PITPNM2: variants seen among roughly 807,000 people sequenced by gnomAD.
PITPNM2 encodes the protein phosphatidylinositol transfer protein membrane associated 2, also known as membrane-associated phosphatidylinositol transfer protein 2.
A neutral mutation model predicts 132.2 loss-of-function variants in PITPNM2; 35 were observed. That is an observed-to-expected ratio of 0.26 (90% CI 0.20 to 0.35). PITPNM2 has a LOEUF of 0.35. Among genes scored for constraint, PITPNM2 ranks in the 10% least tolerant of loss-of-function variants. The pLI, the probability that PITPNM2 is intolerant of heterozygous loss-of-function variation, is 1.00. For synonymous variants in PITPNM2, 738 were observed against 799.2 expected (o/e 0.92, Z 1.29); for missense variants, 1,332 against 1,912.0 (o/e 0.70, Z 5.66).
At chr12:122,988,634 A>G in intron 19 of PITPNM2, 90 bp downstream of exon 19, 3 of 1,330,504 alleles carry the variant, frequency 2.3e-6, no homozygotes, top group Non-Finnish European at 3.1e-6. Flanking sequence ...GTTGGAGAGG[A>G]GTCCCCACTG....
At position 122,996,540 on chromosome 12, in the gene PITPNM2, G is replaced by A. The variant is rs762603902; in HGVS notation, c.1700C>T (p.Ala567Val). 4 of 1,613,096 alleles carry A rather than the reference G, an allele frequency of 2.5e-6. No homozygotes were observed. In the East Asian group the frequency reaches 8.9e-5, roughly 36 times the overall value. ...GTTACTGTAGCACAGGGCATCAAATGCCAGGATGCCCCCGACGCAGTCCCC... is the reference window on the plus strand; with the variant it reads ...GTTACTGTAGCACAGGGCATCAAATACCAGGATGCCCCCGACGCAGTCCCC... ...LIGDCVGGIL[A>V]FDALCYSNQP... is the part of the protein sequence containing the mutation. The change falls in exon 13 of 26, where the codon GCA becomes GTA. Residue 567 changes from alanine (A) to valine (V), a missense_variant. By Grantham distance (64) the Ala-to-Val change is moderately conservative. This residue lies in a region of PITPNM2 where 710 missense variants were observed against 911.5 expected (regional missense o/e 0.78). Coordinates refer to ENST00000320201, the MANE Select transcript of PITPNM2 (RefSeq NM_020845.3).
intron 2 of PITPNM2, chr12:123,084,441 C>A (rs928367401): frequency 5.3e-5 from 8 of 152,208 alleles, no homozygotes; most frequent in African/African-American, 1.9e-4. Flanking sequence ...GGGACCCAGC[C>A]CCCGACCAGA....
intron 2 of PITPNM2, among the ~76,000 whole-genome samples, chr12:123,050,768 ACTGGC>A (rs2040830223): frequency 6.6e-6 from 1 of 152,212 alleles, no homozygotes; most frequent in Non-Finnish European, 1.5e-5. Context: ...TTCCCAGGTA[ACTGGC>A]TCTTCTTTAC....
At chr12:123,037,961 G>A (rs1455168589) in intron 2 of PITPNM2, among the ~76,000 whole-genome samples, 1 of 151,974 alleles carries the variant, frequency 6.6e-6, no homozygotes, top group East Asian at 1.9e-4. Context: ...AGCTCCGCTG[G>A]GATATTTTTG....
intron 1 of PITPNM2, among the ~76,000 whole-genome samples, chr12:123,136,701 T>C (rs962691524): frequency 6.6e-6 from 1 of 151,840 alleles, no homozygotes; most frequent in African/African-American, 2.4e-5. Flanking sequence ...ATTGACACCA[T>C]CCTGGCTAAT....
Position 122,985,874 on chromosome 12 carries a change from AG to A in PITPNM2, c.*152del. 1 of 686,458 alleles carries A rather than the reference AG, an allele frequency of 1.5e-6. No individual in the cohort carries two copies. The allele number at this position is 686,458 out of a possible 1,614,324, so 42.5% of individuals were successfully genotyped here. A position where few individuals can be genotyped will look rare whatever the true frequency, so the allele number is the denominator to read the frequency against. On this transcript the variant is annotated 3_prime_UTR_variant, in exon 26 of 26. Transcript: ENST00000320201. ...CAGGCCCGAGGACGTGAGGCAGGGC[AG>A]GGAGCACTGTGTGGTGCGGCCCGTG...
chr12:123,127,237 C>T (rs774582770), intron 1 of PITPNM2, among the ~76,000 whole-genome samples: 3 of 152,230 alleles, frequency 2.0e-5, no homozygotes, highest in Non-Finnish European at 4.4e-5. Flanking sequence ...CACCCTGCAT[C>T]ACGCCACTTA....
Position 122,997,352 on chromosome 12 carries a change from C to T in PITPNM2, c.1445G>A (p.Cys482Tyr). 6.2e-7 allele frequency: 1 copy of T among 1,613,240 alleles called. No individual in the cohort carries two copies. Residue 482 changes from cysteine (C) to tyrosine (Y), a missense_variant, in exon 11 of 26, where the codon TGC becomes TAC. Around this residue, in one of 6 missense-constraint regions of PITPNM2, gnomAD observed 710 missense variants for 911.5 expected, o/e 0.78. Transcript: ENST00000320201. ...AIRLVPCPPV[C>Y]SDAFALVSNL... Reference sequence around the variant, plus strand: ...GGAGACCAGGGCAAAGGCGTCAGAGCAGACGGGCGGGCAGGGCACCAGGCG... The same window carrying T: ...GGAGACCAGGGCAAAGGCGTCAGAGTAGACGGGCGGGCAGGGCACCAGGCG...
chr12:123,098,775 T>C (rs116318460), intron 2 of PITPNM2, among the ~76,000 whole-genome samples: 1,638 of 152,030 alleles, frequency 0.011, 22 homozygotes, highest in African/African-American at 0.036. Flanking sequence ...CTCCCAAGTG[T>C]CCACTCCTGA....
At chr12:123,041,743 AAC>A (rs2040484635) in intron 2 of PITPNM2, among the ~76,000 whole-genome samples, 1 of 152,146 alleles carries the variant, frequency 6.6e-6, no homozygotes, top group African/African-American at 2.4e-5. Flanking sequence ...GAGAAAAAAA[AAC>A]ACATACAGGT....
intron 2 of PITPNM2, among the ~76,000 whole-genome samples, chr12:123,042,427 T>G (rs2040518129): frequency 2.0e-5 from 3 of 152,202 alleles, no homozygotes; most frequent in Admixed American, 2.0e-4. Flanking sequence ...TAATCTGTTT[T>G]TCCATGATTA....
rs1370152624 is a variant in PITPNM2, at chr12:123,150,622, C to G, written c.-200+131G>C. Among the ~76,000 whole-genome samples the G allele has an allele frequency of 6.7e-6, 1 of 149,336 alleles. No individual in the cohort carries two copies. Among genetic ancestry groups the G allele is most frequent in the Admixed American group, 6.6e-5 (1 of 15,118 alleles). ...GCTCCCTCCTCCAGCCCCCGGCGGG[C>G]TGGAGGCTCGGCGGGCGGGCGGGCC... On this transcript the variant is annotated intron_variant, in intron 1 of 25. Transcript: ENST00000320201. This position sits in a 1 kb window ranked among gnomAD's most constrained non-coding sequence, Gnocchi z 6.0.
intron 2 of PITPNM2, among the ~76,000 whole-genome samples, chr12:123,061,822 A>G (rs1416039275): frequency 6.6e-6 from 1 of 152,206 alleles, no homozygotes; most frequent in Non-Finnish European, 1.5e-5. Flanking sequence ...GGACAAAGTT[A>G]TGCCATCTCC....
chr12:123,034,829 A>T lies in PITPNM2; in HGVS notation c.-95-144T>A, dbSNP rs1243056401. Reference sequence around the variant, plus strand: ...ATGATCCAACGGTGCAACTTTGAGCAGGTTCTCTCCTTTCCAACCTTTATT... The same window carrying T: ...ATGATCCAACGGTGCAACTTTGAGCTGGTTCTCTCCTTTCCAACCTTTATT... On this transcript the variant is annotated intron_variant, in intron 2 of 25. Coordinates refer to ENST00000320201, the MANE Select transcript of PITPNM2 (RefSeq NM_020845.3). 8.2e-5 allele frequency: 41 copies of T among 500,974 alleles called. 1 individual carries two copies. In the South Asian group the frequency reaches 1.2e-3, roughly 14 times the overall value. 31.0% of individuals were successfully genotyped at this position (500,974 alleles called of 1,614,324 possible).
rs139205213 is a variant in PITPNM2 at position 123,079,350 on chromosome 12, C to CTTTTTTTTTTTTTTTTTTTTTT, written c.-96+31013_-96+31034dup. Among the ~76,000 whole-genome samples the CTTTTTTTTTTTTTTTTTTTTTT allele has an allele frequency of 1.7e-3, 91 of 53,834 alleles. 5 individuals carry two copies. The highest frequency in any genetic ancestry group is 2.4e-3 in the East Asian group (3 of 1,270). 35.3% of individuals were successfully genotyped at this position (53,834 alleles called of 152,430 possible). ...TTCACTTCTTTTTCTTTTTTCTTTT[C>CTTTTTTTTTTTTTTTTTTTTTT]TTTTTTTTTTTTTTTTTTTTTTTTT... is the stretch of plus-strand genomic sequence containing the variant. On this transcript the variant is annotated intron_variant, in intron 2 of 25. Transcript: ENST00000320201.
chr12:123,136,061 G>A (rs941393421), intron 1 of PITPNM2, among the ~76,000 whole-genome samples: 3 of 152,012 alleles, frequency 2.0e-5, no homozygotes, highest in Admixed American at 1.3e-4. Context: ...CAGCACTTTT[G>A]GGAGGCTGAG....
At chr12:123,069,495 C>T (rs1054391607) in intron 2 of PITPNM2, among the ~76,000 whole-genome samples, 9 of 152,162 alleles carry the variant, frequency 5.9e-5, no homozygotes, top group African/African-American at 1.7e-4. Flanking sequence ...GTCCACACCT[C>T]TCCTGGGCTT....
intron 18 of PITPNM2, among the ~76,000 whole-genome samples, chr12:122,989,078 C>T (rs188400673): frequency 9.2e-5 from 14 of 152,300 alleles, no homozygotes; most frequent in African/African-American, 2.4e-4. Flanking sequence ...GTGGTGAGTG[C>T]CAGCCCTGCT....
chr12:123,014,073 T>G (rs1277938752), intron 3 of PITPNM2, 31 bp from the exon 4 acceptor site: 2 of 1,611,968 alleles, frequency 1.2e-6, no homozygotes, highest in East Asian at 4.5e-5. Context: ...GCAATGTGTG[T>G]GGGGCCAGAG....
Sources: allele counts gnomAD v4.1 joint callset (sites outside exome capture counted in the v4.1 genomes callset), GRCh38; gene constraint gnomAD v4.1.1; regional missense constraint gnomAD v4.1.1; non-coding constraint Gnocchi (gnomAD v3.1); transcripts MANE v1.5; gene names NCBI Gene and HGNC (gene_info 2026-07-23, HGNC 2026-07-21).